Variants in ANKS1B observed in about 807,000 individuals in gnomAD.
ANKS1B encodes the protein ankyrin repeat and sterile alpha motif domain containing 1B, also known as ankyrin repeat and sterile alpha motif domain-containing protein 1B.
A neutral mutation model predicts 148.3 loss-of-function variants in ANKS1B; 36 were observed. That is an observed-to-expected ratio of 0.24 (90% CI 0.19 to 0.32). The LOEUF (loss-of-function observed/expected upper bound fraction) is 0.32, where lower values mean the gene tolerates loss of function less well. ANKS1B is among the 10% of genes least tolerant of loss of function. ANKS1B has a pLI of 1.00. For synonymous variants in ANKS1B, 542 were observed against 560.8 expected (o/e 0.97, Z 0.47); for missense variants, 1,157 against 1,542.6 (o/e 0.75, Z 4.19).
chr12:99,814,972 A>T (rs552128993), intron 2 of ANKS1B, among the ~76,000 whole-genome samples: 28 of 151,886 alleles, frequency 1.8e-4, no homozygotes, highest in Non-Finnish European at 2.8e-4. Flanking sequence ...CCTACTACAA[A>T]ATAGACTTCT....
intron 12 of ANKS1B, among the ~76,000 whole-genome samples, chr12:99,338,651 GTC>G (rs2089386717): frequency 6.6e-6 from 1 of 152,174 alleles, no homozygotes; most frequent in South Asian, 2.1e-4. Flanking sequence ...AAGCCAGCAT[GTC>G]TCTGAGTCTC....
intron 17 of ANKS1B, among the ~76,000 whole-genome samples, chr12:99,030,596 C>T (rs1211705376): frequency 6.6e-6 from 1 of 152,214 alleles, no homozygotes; most frequent in African/African-American, 2.4e-5. Context: ...TGATCTCTTT[C>T]TCCTCCTCTA....
chr12:98,945,314 G>A (rs770580612), intron 17 of ANKS1B, among the ~76,000 whole-genome samples: 17 of 151,878 alleles, frequency 1.1e-4, no homozygotes, highest in Admixed American at 6.6e-4. Context: ...TCGGCAACAT[G>A]GTGAAACCCC....
In ANKS1B at chr12:98,754,423, C is replaced by T. The variant is rs533310886; in HGVS notation, c.3580-2901G>A. Among the ~76,000 whole-genome samples the T allele has an allele frequency of 9.7e-4, 147 of 152,246 alleles. 2 individuals are homozygous for T. In the Middle Eastern group the frequency reaches 0.02, roughly 21 times the overall value. The stretch of plus-strand genomic sequence containing the variant: ...CCCTCTGAAAGGCAGGCAGGGCTTC[C>T]GACTTCTGTAGTCTCACAATGAAGA... On this transcript the variant is annotated intron_variant, in intron 25 of 26. Transcript: ENST00000683438.
At chr12:99,473,889 C>G (rs1004551598) in intron 10 of ANKS1B, among the ~76,000 whole-genome samples, 2 of 152,004 alleles carry the variant, frequency 1.3e-5, no homozygotes, top group African/African-American at 4.8e-5. Flanking sequence ...TAAGCATGAG[C>G]TTTAATGTAA....
At chr12:99,053,837 A>T (rs1173279181) in intron 16 of ANKS1B, among the ~76,000 whole-genome samples, 2 of 152,214 alleles carry the variant, frequency 1.3e-5, no homozygotes, top group Non-Finnish European at 2.9e-5. Flanking sequence ...CCAGTAAAGG[A>T]GAGGCCTTTG....
At position 99,806,687 on chromosome 12, in the gene ANKS1B, T is replaced by G; in HGVS notation, c.386A>C (p.Glu129Ala). The G allele has an allele frequency of 6.2e-7, 1 of 1,607,308 alleles. No homozygotes were observed. The highest frequency in any genetic ancestry group is 8.5e-7 in the Non-Finnish European group (1 of 1,174,790). The change falls in exon 4 of 27, where the codon GAA (glutamate) becomes GCA (alanine). Residue 129 changes from glutamate (E) to alanine (A), a missense_variant. By Grantham distance (107) the Glu-to-Ala change is moderately radical. Coordinates refer to ENST00000683438, the MANE Select transcript of ANKS1B (RefSeq NM_001352186.2). ...TTGAGCTGCACAGTGTAGGGCAGTTTCATTTTCATTGTTCTAAGACAAAGA... is the reference window on the plus strand; with the variant it reads ...TTGAGCTGCACAGTGTAGGGCAGTTGCATTTTCATTGTTCTAAGACAAAGA... ...SRVNEQNNEN[E>A]TALHCAAQYG... is the part of the protein sequence containing the mutation.
At chr12:99,927,443 T>C (rs980714491) in intron 1 of ANKS1B, among the ~76,000 whole-genome samples, 3 of 152,210 alleles carry the variant, frequency 2.0e-5, no homozygotes, top group South Asian at 2.1e-4. Flanking sequence ...TATTCAAAAA[T>C]ATATATATGT....
intron 17 of ANKS1B, among the ~76,000 whole-genome samples, chr12:98,856,127 T>C (rs556064): frequency 0.76 from 115,086 of 152,238 alleles, 44,586 homozygotes; most frequent in East Asian, 1. Flanking sequence ...AAACAATATC[T>C]TTCTGTGAGG....
chr12:99,721,791 A>G (rs1022012783), intron 8 of ANKS1B, among the ~76,000 whole-genome samples: 15 of 152,248 alleles, frequency 9.9e-5, no homozygotes, highest in African/African-American at 2.9e-4. Context: ...CCTAGGCCTC[A>G]TGTGCCAAAC....
chr12:99,018,942 C>G (rs1271417656), intron 17 of ANKS1B, among the ~76,000 whole-genome samples: 1 of 151,634 alleles, frequency 6.6e-6, no homozygotes, highest in Non-Finnish European at 1.5e-5. Flanking sequence ...GACTCCATCT[C>G]AAAACAAAAA....
At chr12:99,350,554 A>C (rs10860425) in intron 12 of ANKS1B, among the ~76,000 whole-genome samples, 17,434 of 152,102 alleles carry the variant, frequency 0.11, 1,497 homozygotes, top group East Asian at 0.5. Context: ...AAAAATTAGT[A>C]GTCCATATGA....
At chr12:99,529,175 C>G (rs1273721106) in intron 9 of ANKS1B, among the ~76,000 whole-genome samples, 1 of 152,016 alleles carries the variant, frequency 6.6e-6, no homozygotes, top group Non-Finnish European at 1.5e-5. Context: ...AAATAGGAAC[C>G]ACCTTTGTAC....
intron 1 of ANKS1B, among the ~76,000 whole-genome samples, chr12:99,948,871 T>C (rs17029873): frequency 0.039 from 5,984 of 152,246 alleles, 372 homozygotes; most frequent in African/African-American, 0.13. Flanking sequence ...TCAATTGCAT[T>C]CAATCAGATC....
intron 2 of ANKS1B, among the ~76,000 whole-genome samples, chr12:99,816,885 C>T (rs1602797606): frequency 6.6e-6 from 1 of 151,628 alleles, no homozygotes; most frequent in East Asian, 1.9e-4. Flanking sequence ...GTAGTACCAA[C>T]TTAGTATTTT....
chr12:99,805,492 T>C (rs1015865671), intron 4 of ANKS1B, among the ~76,000 whole-genome samples: 43 of 151,792 alleles, frequency 2.8e-4, no homozygotes, highest in Non-Finnish European at 5.0e-4. Context: ...GGTATGGTGG[T>C]GTGTACCTGC....
chr12:99,493,970 A>G (rs187132761), intron 10 of ANKS1B, among the ~76,000 whole-genome samples: 153 of 152,270 alleles, frequency 1.0e-3, no homozygotes, highest in African/African-American at 3.5e-3. Flanking sequence ...AAAAGTAAAA[A>G]GAATAAAGAG....
intron 17 of ANKS1B, among the ~76,000 whole-genome samples, chr12:98,962,156 A>C (rs2099872527): frequency 6.6e-6 from 1 of 151,430 alleles, no homozygotes; most frequent in African/African-American, 2.4e-5. Flanking sequence ...AAAAAAAAAA[A>C]CAAGATTCAA....
intron 9 of ANKS1B, among the ~76,000 whole-genome samples, chr12:99,622,946 A>G (rs2098071885): frequency 6.6e-6 from 1 of 151,978 alleles, no homozygotes; most frequent in Non-Finnish European, 1.5e-5. Flanking sequence ...CAACAATAAC[A>G]TAAAAGTAAA....
Sources: gnomAD v4.1 joint callset for allele counts (sites outside exome capture counted in the v4.1 genomes callset) on GRCh38, gnomAD v4.1.1 for gene constraint, MANE v1.5 for transcripts, NCBI Gene and HGNC (gene_info 2026-07-23, HGNC 2026-07-21) for gene names.